The following AKAP6 variants were observed in gnomAD, a reference collection of about 807,000 sequenced individuals.
AKAP6 encodes A-kinase anchoring protein 6, also known as A-kinase anchor protein 6.
AKAP6 carries 58 observed loss-of-function variants against 188.5 expected under a neutral mutation model. That is an observed-to-expected ratio of 0.31 (90% CI 0.25 to 0.38). AKAP6 has a LOEUF of 0.38. Among genes scored for constraint, AKAP6 ranks in the 10% least tolerant of loss-of-function variants. The pLI, the probability that AKAP6 is intolerant of heterozygous loss-of-function variation, is 1.00. For missense variants in AKAP6, 2,710 were observed against 2,740.0 expected (o/e 0.99, Z 0.24); for synonymous variants, 989 against 998.6 (o/e 0.99, Z 0.18).
intron 7 of AKAP6, among the ~76,000 whole-genome samples, chr14:32,643,459 C>G (rs1887850379): frequency 6.6e-6 from 1 of 151,988 alleles, no homozygotes. Context: ...AGGCACCCAC[C>G]ACCATGCCCA....
At chr14:32,801,314 T>A (rs2033942484) in intron 12 of AKAP6, among the ~76,000 whole-genome samples, 1 of 152,158 alleles carries the variant, frequency 6.6e-6, no homozygotes, top group Non-Finnish European at 1.5e-5. Context: ...TTTAAAAAAT[T>A]TAGAGGTTAT....
At chr14:32,410,122 G>A (rs1185966217) in intron 1 of AKAP6, among the ~76,000 whole-genome samples, 6 of 148,438 alleles carry the variant, frequency 4.0e-5, no homozygotes, top group Non-Finnish European at 6.0e-5. Flanking sequence ...GGGAAAAATC[G>A]ACATTCTGTA....
intron 1 of AKAP6, among the ~76,000 whole-genome samples, chr14:32,398,854 T>TTG (rs1396776218): frequency 0.015 from 1,684 of 114,168 alleles, 59 homozygotes; most frequent in Non-Finnish European, 0.026. Flanking sequence ...GTTTTTTTTT[T>TTG]TTTTTTTTTT....
chr14:32,376,569 C>A (rs1888163888), intron 1 of AKAP6, among the ~76,000 whole-genome samples: 1 of 152,160 alleles, frequency 6.6e-6, no homozygotes, highest in Admixed American at 6.5e-5. Context: ...AAAATTAATA[C>A]TTATTCTTTT....
intron 12 of AKAP6, among the ~76,000 whole-genome samples, chr14:32,789,393 G>GTAGA (rs1327366986): frequency 6.6e-6 from 1 of 152,244 alleles, no homozygotes; most frequent in Non-Finnish European, 1.5e-5. Context: ...GCTTCTTTAA[G>GTAGA]TAGATCCCTG....
intron 1 of AKAP6, among the ~76,000 whole-genome samples, chr14:32,420,909 T>TTTTGTGTGTGTGTGTGTGTGTGTGTGTG (rs1555327187): frequency 1.4e-5 from 2 of 146,410 alleles, no homozygotes; most frequent in African/African-American, 5.0e-5. Flanking sequence ...GGAGATTGAT[T>TTTTGTGTGTGTGTGTGTGTGTGTGTGTG]TGTGTGTGTG....
intron 4 of AKAP6, among the ~76,000 whole-genome samples, chr14:32,549,830 G>A (rs887159654): frequency 6.6e-6 from 1 of 152,222 alleles, no homozygotes; most frequent in Non-Finnish European, 1.5e-5. Flanking sequence ...TCTTAAAGCA[G>A]TGTAGGCCCT....
chr14:32,751,418 G>A (rs963943388), intron 11 of AKAP6, among the ~76,000 whole-genome samples: 25 of 151,274 alleles, frequency 1.7e-4, no homozygotes, highest in African/African-American at 5.8e-4. Flanking sequence ...TTAAAGAGAA[G>A]ATATGCTTCT....
At chr14:32,535,012 A>G (rs1412335019) in intron 2 of AKAP6, among the ~76,000 whole-genome samples, 1 of 151,150 alleles carries the variant, frequency 6.6e-6, no homozygotes, top group African/African-American at 2.4e-5. Flanking sequence ...AAAACACTGA[A>G]TTTGAATATT....
intron 5 of AKAP6, among the ~76,000 whole-genome samples, chr14:32,592,570 G>A (rs1401194655): frequency 6.6e-6 from 1 of 152,150 alleles, no homozygotes; most frequent in East Asian, 1.9e-4. Context: ...CAGATATGTA[G>A]CCTGTGAAGT....
intron 1 of AKAP6, among the ~76,000 whole-genome samples, chr14:32,399,028 T>C (rs983679079): frequency 1.3e-5 from 2 of 151,850 alleles, no homozygotes; most frequent in Non-Finnish European, 2.9e-5. Flanking sequence ...ATTTCTTTTG[T>C]ATTTTAGTAG....
At chr14:32,620,835 T>C (rs1886789024) in intron 7 of AKAP6, among the ~76,000 whole-genome samples, 1 of 151,950 alleles carries the variant, frequency 6.6e-6, no homozygotes, top group African/African-American at 2.4e-5. Context: ...ATTGATTCAT[T>C]CTCACTGCTT....
chr14:32,785,177 C>G (rs796376882), intron 12 of AKAP6, among the ~76,000 whole-genome samples: 3 of 152,120 alleles, frequency 2.0e-5, no homozygotes, highest in African/African-American at 4.8e-5. Flanking sequence ...ATTGCATGTC[C>G]TTCCAATGAA....
chr14:32,793,772 A>G (rs1276253753), intron 12 of AKAP6, among the ~76,000 whole-genome samples: 1 of 152,008 alleles, frequency 6.6e-6, no homozygotes, highest in Non-Finnish European at 1.5e-5. Context: ...GCATTAAATA[A>G]TGGTAAAGGC....
chr14:32,773,946 A>G (rs777993964), intron 12 of AKAP6, 53 bp downstream of exon 12: 37 of 1,554,788 alleles, frequency 2.4e-5, no homozygotes, highest in Non-Finnish European at 3.1e-5. Context: ...CAGACAAAAA[A>G]TAATTCTTTC....
At chr14:32,361,289 G>T (rs539196833) in intron 1 of AKAP6, among the ~76,000 whole-genome samples, 3 of 151,932 alleles carry the variant, frequency 2.0e-5, no homozygotes, top group South Asian at 4.2e-4. Context: ...CCAGGAAAAG[G>T]TGTGTGTGTG....
At chr14:32,522,512 AC>A (rs758911305) in intron 2 of AKAP6, among the ~76,000 whole-genome samples, 1 of 152,146 alleles carries the variant, frequency 6.6e-6, no homozygotes, top group East Asian at 1.9e-4. Flanking sequence ...AACAACCCCA[AC>A]AAAAAGTGGG....
In AKAP6 at chr14:32,788,625, ACCATG is replaced by A. The variant is rs1479988924; in HGVS notation, c.3588+14734_3588+14738del. ...GTGAGCGTGCAACCCCCCCCAGGAA[ACCATG>A]CTTCTCCCATGAATCTTTGCAACCG... On this transcript the variant is annotated intron_variant, in intron 12 of 13. Coordinates refer to ENST00000280979, the MANE Select transcript of AKAP6 (RefSeq NM_004274.5). 4.6e-5 allele frequency among the ~76,000 whole-genome samples: 7 copies of A among 152,230 alleles called. 1 individual carries two copies. The East Asian group carries it at 1.4e-3, about 30-fold the overall frequency.
chr14:32,671,123 G>A (rs1224284283), intron 7 of AKAP6, among the ~76,000 whole-genome samples: 1 of 152,136 alleles, frequency 6.6e-6, no homozygotes, highest in Non-Finnish European at 1.5e-5. Flanking sequence ...GATTTCTAGG[G>A]GTGGGGGTGA....
Sources: gnomAD v4.1 joint callset for allele counts (sites outside exome capture counted in the v4.1 genomes callset) on GRCh38, gnomAD v4.1.1 for gene constraint, MANE v1.5 for transcripts, NCBI Gene and HGNC (gene_info 2026-07-23, HGNC 2026-07-21) for gene names.